MRPL46: variants seen among roughly 807,000 people sequenced by gnomAD.
The protein encoded by MRPL46 is large ribosomal subunit protein mL46.
MRPL46 carries 26 observed loss-of-function variants against 31.0 expected under a neutral mutation model. The observed-to-expected ratio is 0.84, with a 90% CI of 0.61 to 1.16. The LOEUF is 1.16. MRPL46 is among the 50% of genes most tolerant of loss of function. MRPL46 has a pLI of 0.00. For missense variants in MRPL46, 395 were observed against 340.0 expected, an observed-to-expected ratio of 1.16 and a Z score of -1.27; for synonymous variants, 159 against 141.3, an observed-to-expected ratio of 1.13 and a Z score of -0.89.
intron 3 of MRPL46, 40 bp from the exon 4 acceptor site, chr15:88,459,903 G>C (rs754095857): frequency 2.7e-5 from 43 of 1,610,218 alleles, no homozygotes; most frequent in Non-Finnish European, 3.4e-5. Flanking sequence ...TGGAAGGTAA[G>C]GATACAGCCA....
chr15:88,466,233 G>C (rs763803694), intron 1 of MRPL46, among the ~76,000 whole-genome samples: 9 of 152,214 alleles, frequency 5.9e-5, no homozygotes, highest in Non-Finnish European at 8.8e-5. Flanking sequence ...CTGTCTCAGA[G>C]AGACATTTCT....
In MRPL46 at chr15:88,467,316, C is replaced by G; in HGVS notation, c.62G>C (p.Arg21Thr). 6.2e-7 allele frequency: 1 copy of G among 1,609,728 alleles called. No homozygotes were observed. The highest frequency in any genetic ancestry group is 2.2e-5 in the East Asian group (1 of 44,566). Reference protein sequence around the residue: ...GVAGGWRRFERLWAGSLSSRS... With the variant: ...GVAGGWRRFETLWAGSLSSRS... ...AGAGCTTAGACTGCCGGCCCAGAGC[C>G]TCTCGAACCGCCGCCAACCCCCCGC... The change falls in exon 1 of 4, where the codon AGG (arginine) becomes ACG (threonine). Residue 21 changes from arginine (R) to threonine (T), a missense_variant. By Grantham distance (71) the Arg-to-Thr change is moderately conservative. Transcript: ENST00000312475.
chr15:88,467,384 T>C lies in MRPL46; in HGVS notation c.-7A>G. ...GCCTTACGGGCGCCGCCATCTTTCGTTCTCCCACAATGCACCGCGGCTCCC... is the reference window on the plus strand; with the variant it reads ...GCCTTACGGGCGCCGCCATCTTTCGCTCTCCCACAATGCACCGCGGCTCCC... On this transcript the variant is annotated 5_prime_UTR_variant, in exon 1 of 4. Transcript: ENST00000312475. 3.2e-6 allele frequency: 5 copies of C among 1,560,846 alleles called. No individual in the cohort carries two copies. The highest frequency in any genetic ancestry group is 4.3e-6 in the Non-Finnish European group (5 of 1,152,602).
At position 88,465,405 on chromosome 15, in the gene MRPL46, C is replaced by A. The variant is rs2055514591; in HGVS notation, c.415+182G>T. ...AGAAAAGGCTATTCCAATACCCTTA[C>A]CTCTCACCCGAAAATAAGACAGACT... On this transcript the variant is annotated intron_variant, in intron 2 of 3. Transcript: ENST00000312475. The A allele has an allele frequency of 6.7e-6, 4 of 593,492 alleles. No individual in the cohort carries two copies. The Admixed American group carries it at 1.1e-4, about 17-fold the overall frequency. The allele number at this position is 593,492 out of a possible 1,614,324, so 36.8% of individuals were successfully genotyped here. A position where few individuals can be genotyped will look rare whatever the true frequency, so the allele number is the denominator to read the frequency against.
At chr15:88,465,862 ACAC>A (rs2055523814) in intron 1 of MRPL46, 89 bp from the exon 2 acceptor site, 1 of 1,244,474 alleles carries the variant, frequency 8.0e-7, no homozygotes, top group East Asian at 2.5e-5. Flanking sequence ...GAGACATGGC[ACAC>A]TTGGCAAGCT....
rs1567039005 is a variant in MRPL46, at chr15:88,459,588, C to A, written c.*25G>T. 1 of 1,612,752 alleles carries A rather than the reference C, an allele frequency of 6.2e-7. No individual in the cohort carries two copies. The highest frequency in any genetic ancestry group is 8.5e-7 in the Non-Finnish European group (1 of 1,179,702). On this transcript the variant is annotated 3_prime_UTR_variant, in exon 4 of 4. Transcript: ENST00000312475. Reference sequence around the variant, plus strand: ...GGCTCTAATCCCAGACTTGTCTGAGCACCGTCCACAGGCAGCTCGGCCCAT... The same window carrying A: ...GGCTCTAATCCCAGACTTGTCTGAGAACCGTCCACAGGCAGCTCGGCCCAT...
At chr15:88,460,237 CTGGCGAATCAGCCCAGTCGCTATCTGT>C (rs1339735935) in intron 3 of MRPL46, 14 of 220,950 alleles carry the variant, frequency 6.3e-5, no homozygotes, top group Non-Finnish European at 8.1e-5. Flanking sequence ...TCGCTATCTG[CTGGCGAATCAGCCCAGTCGCTATCTGT>C]TGGCGAATCA....
intron 1 of MRPL46, among the ~76,000 whole-genome samples, chr15:88,466,355 T>G (rs1302295558): frequency 2.0e-5 from 3 of 152,236 alleles, no homozygotes; most frequent in Non-Finnish European, 2.9e-5. Flanking sequence ...GTGTTTTCCT[T>G]AACAACACTT....
rs746732847 is a variant in MRPL46, at chr15:88,464,774, A to C, written c.518T>G (p.Leu173Arg). Residue 173 changes from leucine to arginine, a missense_variant, in exon 3 of 4, where the codon CTG becomes CGG. Transcript: ENST00000312475. Reference sequence around the variant, plus strand: ...CCCAGGCTGCCACTCTGCCTGGGGCAGTATCCAAACATCCTGGTCTCCAAA... The same window carrying C: ...CCCAGGCTGCCACTCTGCCTGGGGCCGTATCCAAACATCCTGGTCTCCAAA... ...EKFGDQDVWI[L>R]PQAEWQPGET... 1 of 1,614,050 alleles carries C rather than the reference A, an allele frequency of 6.2e-7. No homozygotes were observed. The highest frequency in any genetic ancestry group is 1.3e-5 in the African/African-American group (1 of 74,906).
chr15:88,467,302 T>C lies in MRPL46; in HGVS notation c.76A>G (p.Ser26Gly), dbSNP rs765361853. Reference protein sequence around the residue: ...WRRFERLWAGSLSSRSLALAA... With the variant: ...WRRFERLWAGGLSSRSLALAA... ...AGAGCCAGGCTGCGAGAGCTTAGACTGCCGGCCCAGAGCCTCTCGAACCGC... is the reference window on the plus strand; with the variant it reads ...AGAGCCAGGCTGCGAGAGCTTAGACCGCCGGCCCAGAGCCTCTCGAACCGC... Residue 26 changes from serine (S) to glycine (G), a missense_variant, in exon 1 of 4, where the codon AGT (serine) becomes GGT (glycine). Physicochemically the swap from Ser to Gly is moderately conservative, Grantham distance 56. Coordinates refer to ENST00000312475, the MANE Select transcript of MRPL46 (RefSeq NM_022163.4). The C allele has an allele frequency of 6.8e-6, 11 of 1,612,150 alleles. No homozygotes were observed. Among genetic ancestry groups the C allele is most frequent in the Non-Finnish European group, 9.3e-6 (11 of 1,179,312 alleles).
chr15:88,466,372 G>C (rs1452709184), intron 1 of MRPL46, among the ~76,000 whole-genome samples: 1 of 152,140 alleles, frequency 6.6e-6, no homozygotes, highest in African/African-American at 2.4e-5. Context: ...ACTTATCAGG[G>C]TCTGCATTTA....
In MRPL46 at chr15:88,464,718, G is replaced by A. The variant is rs141301857; in HGVS notation, c.574C>T (p.Leu192=). 431 of 1,613,552 alleles carry A rather than the reference G, an allele frequency of 2.7e-4. 4 individuals are homozygous for A. The Middle Eastern group carries it at 4.3e-3, about 16-fold the overall frequency. Residue 192 remains leucine, a synonymous_variant, in exon 3 of 4, where the codon CTG becomes TTG. Transcript: ENST00000312475. ...GAAAACCCACCTGAGAGTGTGGCCA[G>A]GGTTCGTTCAGCTGTTCCTCGAAGG... ...ETLRGTAERT[L]ATLSENNMEA... is the part of the protein sequence containing the mutation.
intron 3 of MRPL46, 89 bp from the exon 4 acceptor site, chr15:88,459,952 G>T: frequency 6.7e-7 from 1 of 1,496,506 alleles, no homozygotes; most frequent in Non-Finnish European, 9.1e-7. Context: ...GGGGGTCCCT[G>T]CAAGATCTGG....
chr15:88,465,512 C>G (rs1030204637), intron 2 of MRPL46, 75 bp downstream of exon 2: 10 of 1,412,242 alleles, frequency 7.1e-6, no homozygotes, highest in Non-Finnish European at 9.5e-6. Context: ...AAGCAGGGGC[C>G]AAGCAACTGT....
chr15:88,467,035 A>G, intron 1 of MRPL46, 115 bp downstream of exon 1: 1 of 1,186,038 alleles, frequency 8.4e-7, no homozygotes, highest in Non-Finnish European at 1.2e-6. Flanking sequence ...CCAAGTCAGT[A>G]AGGTAGGTAC....
Position 88,459,772 on chromosome 15 carries a change from G to C in MRPL46, c.681C>G (p.Leu227=). The C allele has an allele frequency of 6.2e-7, 1 of 1,614,190 alleles. No individual in the cohort carries two copies. Among genetic ancestry groups the C allele is most frequent in the Non-Finnish European group, 8.5e-7 (1 of 1,180,038 alleles). The change falls in exon 4 of 4, where the codon CTC becomes CTG. Residue 227 remains leucine (L), a synonymous_variant. Transcript: ENST00000312475. ...CTTTGAAGAAGAACACCTTGGCTCC[G>C]AGGTTACTCTCTGTCCGCATTGCCT... ...FPQAMRTESN[L]GAKVFFFKAL...
chr15:88,460,274 A>G lies in MRPL46; in HGVS notation c.590-411T>C, dbSNP rs963239076. ...CCCAGTCGCTATCTGTTGGCGAATC[A>G]GCCCAGTCGCTAACTGTTGGTGAAT... is the stretch of plus-strand genomic sequence containing the variant. On this transcript the variant is annotated intron_variant, in intron 3 of 3. Transcript: ENST00000312475. 6 of 194,146 alleles carry G rather than the reference A, an allele frequency of 3.1e-5. No homozygotes were observed. In the Admixed American group the frequency reaches 3.2e-4, roughly 10 times the overall value. 12.0% of individuals were successfully genotyped at this position (194,146 alleles called of 1,614,324 possible).
At position 88,467,097 on chromosome 15, in the gene MRPL46, G is replaced by A. The variant is rs576375732; in HGVS notation, c.228+53C>T. On this transcript the variant is annotated intron_variant, in intron 1 of 3. Transcript: ENST00000312475. ...TAAGTTCAGAGAGGTGAAATTACTC[G>A]CTCAAAGTCACGCAGAATAAACGTC... 2.8e-4 allele frequency: 442 copies of A among 1,580,884 alleles called. 4 individuals carry two copies. The South Asian group carries it at 4.9e-3, about 17-fold the overall frequency.
Position 88,465,713 on chromosome 15 carries a change from G to A in MRPL46, c.289C>T (p.Arg97Ter), listed in dbSNP as rs193920884. ...AGGTCAGCTTTCTTCTTTGCCAGTC[G>A]CTGGTTTTCATCCAGAGCACGAAGC... ...HELRALDENQ[R>*]LAKKKADLHD... Residue 97 changes from arginine to a stop codon, truncating the protein, a stop_gained, in exon 2 of 4, where the codon CGA (arginine) becomes TGA (stop). Transcript: ENST00000312475. LOFTEE classifies it high-confidence loss of function. 1.2e-6 allele frequency: 2 copies of A among 1,613,436 alleles called. No individual in the cohort carries two copies. The highest frequency in any genetic ancestry group is 1.7e-6 in the Non-Finnish European group (2 of 1,179,914).
Sources: allele counts gnomAD v4.1 joint callset (sites outside exome capture counted in the v4.1 genomes callset), GRCh38; gene constraint gnomAD v4.1.1; transcripts MANE v1.5; gene names NCBI Gene and HGNC (gene_info 2026-07-23, HGNC 2026-07-21).